BEX2: variants seen among roughly 807,000 people sequenced by gnomAD.
BEX2 encodes the protein protein BEX2.
Under a neutral mutation model 4.1 loss-of-function variants are expected in BEX2, and 2 were observed. The observed-to-expected ratio is 0.49, with a 90% confidence interval of 0.20 to 1.53. The LOEUF (loss-of-function observed/expected upper bound fraction) is 1.53. Among genes scored for constraint, BEX2 ranks in the 40% most tolerant of loss-of-function variants. The probability of loss-of-function intolerance (pLI) is 0.23; values close to 1 mark genes in which losing one functional copy is unlikely to be tolerated. For synonymous variants in BEX2, 34 were observed against 35.9 expected, an observed-to-expected ratio of 0.95 and a Z score of 0.19; for missense variants, 94 against 99.9, an observed-to-expected ratio of 0.94 and a Z score of 0.25.
At chrX:103,310,200 A>C (rs1015122067) in intron 2 of BEX2, among the ~76,000 whole-genome samples, 158 bp downstream of exon 2, 1 of 110,352 alleles carries the variant, frequency 9.1e-6, no homozygotes, top group Non-Finnish European at 1.9e-5. Context: ...TCTTCTCTGC[A>C]GATCCATCTC....
In BEX2 at chrX:103,310,854, C is replaced by T. The variant is rs1926186579; in HGVS notation, c.-82+6G>A. 8.8e-6 allele frequency: 3 copies of T among 342,080 alleles called. No individual in the cohort carries two copies. Among genetic ancestry groups the T allele is most frequent in the Non-Finnish European group, 1.5e-5 (3 of 203,432 alleles). 28.2% of individuals were successfully genotyped at this position (342,080 alleles called of 1,213,427 possible). On this transcript the variant is annotated splice_donor_region_variant and intron_variant, in intron 1 of 2. Coordinates refer to ENST00000372677, the MANE Select transcript of BEX2 (RefSeq NM_032621.4). ...CAACCCCAGGGACCCCCTCCGGGTCCCTTACCTGCTCCCCCTCCGCTTCCT... is the reference window on the plus strand; with the variant it reads ...CAACCCCAGGGACCCCCTCCGGGTCTCTTACCTGCTCCCCCTCCGCTTCCT...
In BEX2 at chrX:103,310,813, G is replaced by T. The variant is rs564356847; in HGVS notation, c.-82+47C>A. On this transcript the variant is annotated intron_variant, in intron 1 of 2. Coordinates refer to ENST00000372677, the MANE Select transcript of BEX2 (RefSeq NM_032621.4). ...CGGGGATGGGGCATCCGCAGGCCGGGGCTGCTCCCCCACACCAACCCCAGG... is the reference window on the plus strand; with the variant it reads ...CGGGGATGGGGCATCCGCAGGCCGGTGCTGCTCCCCCACACCAACCCCAGG... The T allele has an allele frequency of 2.9e-5, 12 of 411,193 alleles. No homozygotes were observed. The South Asian group carries it at 5.0e-4, about 17-fold the overall frequency. 33.9% of individuals were successfully genotyped at this position (411,193 alleles called of 1,213,427 possible).
rs778448293 is a variant in BEX2, at chrX:103,309,967, T to A, written c.10A>T (p.Lys4Ter). Residue 4 changes from lysine (K) to a stop codon, truncating the protein, a stop_gained, in exon 3 of 3, where the codon AAA becomes TAA. Coordinates refer to ENST00000372677, the MANE Select transcript of BEX2 (RefSeq NM_032621.4). LOFTEE classifies it low-confidence loss of function (END_TRUNC). ...AGATTGTTTAACGCTCGTTCCTCTT[T>A]GGACTCCATTACTCCTAGGAGACAG... MES[K>*]EERALNNLIV... 1 of 1,203,499 alleles carries A rather than the reference T, an allele frequency of 8.3e-7. No homozygotes were observed. Among genetic ancestry groups the A allele is most frequent in the African/African-American group, 1.7e-5 (1 of 57,742 alleles).
At chrX:103,310,628 G>A in intron 1 of BEX2, 195 bp from the exon 2 acceptor site, 1 of 1,154,806 alleles carries the variant, frequency 8.7e-7, no homozygotes. Flanking sequence ...TGTTGGAAAA[G>A]CTTGCGCTGG....
chrX:103,310,437 C>T lies in BEX2; in HGVS notation c.-81-4G>A, dbSNP rs1926164252. The T allele has an allele frequency of 3.5e-6, 4 of 1,155,547 alleles. No individual in the cohort carries two copies. The Admixed American group carries it at 1.0e-4, about 30-fold the overall frequency. ...CGCAACACTTGGCCCCGCAAACCTG[C>T]AGACGGCCGGGGTGGGAAGAGTGGG... On this transcript the variant is annotated splice_region_variant and splice_polypyrimidine_tract_variant and intron_variant, in intron 1 of 2. Coordinates refer to ENST00000372677, the MANE Select transcript of BEX2 (RefSeq NM_032621.4).
intron 2 of BEX2, 147 bp from the exon 3 acceptor site, chrX:103,310,128 C>A: frequency 1.3e-6 from 1 of 786,714 alleles, no homozygotes; most frequent in South Asian, 2.9e-5. Flanking sequence ...AGAGAGGCCC[C>A]ATGTACCCTC....
At position 103,309,576 on chromosome X, in the gene BEX2, G is replaced by A. The variant is rs766415447; in HGVS notation, c.*14C>T. 8.3e-7 allele frequency: 1 copy of A among 1,207,144 alleles called. No homozygotes were observed. Among genetic ancestry groups the A allele is most frequent in the Admixed American group, 2.2e-5 (1 of 45,840 alleles). On this transcript the variant is annotated 3_prime_UTR_variant, in exon 3 of 3. Coordinates refer to ENST00000372677, the MANE Select transcript of BEX2 (RefSeq NM_032621.4). ...CAGGGGTCTCCCTATTAACTTCAGG[G>A]AAACCATCAGGATTCAGGGCATAAG...
rs761900745 is a variant in BEX2, at chrX:103,310,974, A to G, written c.-196T>C. The G allele has an allele frequency of 5.6e-6, 1 of 177,715 alleles. No individual in the cohort carries two copies. The highest frequency in any genetic ancestry group is 1.6e-4 in the East Asian group (1 of 6,064). 14.6% of individuals were successfully genotyped at this position (177,715 alleles called of 1,213,427 possible). A position where few individuals can be genotyped will look rare whatever the true frequency, so the allele number is the denominator to read the frequency against. On this transcript the variant is annotated 5_prime_UTR_variant, in exon 1 of 3. Coordinates refer to ENST00000372677, the MANE Select transcript of BEX2 (RefSeq NM_032621.4). ...AGCGAGCGACGGCGGTTCTGACGCC[A>G]CAACGAGGTAAGACTCAGTGTTGGC...
chrX:103,310,568 G>GC, intron 1 of BEX2, 135 bp from the exon 2 acceptor site: 3 of 1,154,282 alleles, frequency 2.6e-6, no homozygotes, highest in Non-Finnish European at 3.4e-6. Context: ...CAGCCGCCCA[G>GC]CCCCCCAAGC....
rs1045055 is a variant in BEX2 at position 103,310,398 on chromosome X, G to T, written c.-46C>A. The T allele has an allele frequency of 8.6e-7, 1 of 1,156,867 alleles. No homozygotes were observed. Among genetic ancestry groups the T allele is most frequent in the African/African-American group, 1.8e-5 (1 of 56,444 alleles). ...CAGTCTCCTCCTCCCGATTCTCGAC[G>T]TGAGGTGCGTCGCCGCAACACTTGG... On this transcript the variant is annotated 5_prime_UTR_variant, in exon 2 of 3. Coordinates refer to ENST00000372677, the MANE Select transcript of BEX2 (RefSeq NM_032621.4).
At chrX:103,310,748 G>A (rs951195209) in intron 1 of BEX2, 112 bp downstream of exon 1, 8 of 660,596 alleles carry the variant, frequency 1.2e-5, no homozygotes, top group Non-Finnish European at 1.7e-5. Context: ...CGGGGCCCCG[G>A]GGCTGCATCG....
chrX:103,310,003 G>A, intron 2 of BEX2, 22 bp from the exon 3 acceptor site: 2 of 1,182,419 alleles, frequency 1.7e-6, no homozygotes, highest in Non-Finnish European at 2.3e-6. Flanking sequence ...AGAGAAAATG[G>A]ACTCAATTCT....
In BEX2 at chrX:103,309,909, T is replaced by C; in HGVS notation, c.68A>G (p.Glu23Gly). ...IVENVNQEND[E>G]KDEKEQVANK... ...AGCAACTTGCTCCTTTTCATCTTTT[T>C]CATCATTTTCCTGGTTGACATTTTC... The change falls in exon 3 of 3, where the codon GAA becomes GGA. Residue 23 changes from glutamate (E) to glycine (G), a missense_variant. Coordinates refer to ENST00000372677, the MANE Select transcript of BEX2 (RefSeq NM_032621.4). 1 of 1,211,411 alleles carries C rather than the reference T, an allele frequency of 8.3e-7. No homozygotes were observed. Among genetic ancestry groups the C allele is most frequent in the Non-Finnish European group, 1.1e-6 (1 of 895,387 alleles).
intron 1 of BEX2, 146 bp from the exon 2 acceptor site, chrX:103,310,579 T>C: frequency 8.7e-7 from 1 of 1,155,387 alleles, no homozygotes; most frequent in Non-Finnish European, 1.1e-6. Context: ...CCCCCCAAGC[T>C]GACCACCATT....
intron 1 of BEX2, 75 bp from the exon 2 acceptor site, chrX:103,310,508 C>G: frequency 8.7e-7 from 1 of 1,147,720 alleles, no homozygotes; most frequent in South Asian, 1.9e-5. Flanking sequence ...CCACCCGGCC[C>G]CTTCCCCACG....
intron 1 of BEX2, 159 bp from the exon 2 acceptor site, chrX:103,310,592 C>T (rs1160084793): frequency 2.6e-6 from 3 of 1,156,218 alleles, no homozygotes. Flanking sequence ...CCACCATTTT[C>T]TGCATCAAGA....
chrX:103,310,598 C>A, intron 1 of BEX2, 165 bp from the exon 2 acceptor site: 1 of 1,156,080 alleles, frequency 8.6e-7, no homozygotes. Flanking sequence ...TTTTCTGCAT[C>A]AAGAAGGGCG....
Position 103,309,822 on chromosome X carries a change from T to C in BEX2, c.155A>G (p.Asn52Ser). 1 of 1,212,034 alleles carries C rather than the reference T, an allele frequency of 8.3e-7. No homozygotes were observed. The highest frequency in any genetic ancestry group is 1.1e-6 in the Non-Finnish European group (1 of 895,573). The change falls in exon 3 of 3, where the codon AAC becomes AGC. Residue 52 changes from asparagine (N) to serine (S), a missense_variant. By Grantham distance (46) the Asn-to-Ser change is conservative. Coordinates refer to ENST00000372677, the MANE Select transcript of BEX2 (RefSeq NM_032621.4). ...NVSEYCVPRGNRRRFRVRQPI... is the reference protein window; with the variant it reads ...NVSEYCVPRGSRRRFRVRQPI... ...CTGCCTAACGCGGAACCGCCTACGG[T>C]TTCCTCTAGGCACACAGTATTCACT...
intron 1 of BEX2, 54 bp from the exon 2 acceptor site, chrX:103,310,487 A>T: frequency 8.7e-7 from 1 of 1,149,951 alleles, no homozygotes; most frequent in South Asian, 1.9e-5. Context: ...AACGCTAGAG[A>T]GGACCCGCCG....
Sources: gnomAD v4.1 joint callset for allele counts (sites outside exome capture counted in the v4.1 genomes callset) on GRCh38, gnomAD v4.1.1 for gene constraint, MANE v1.5 for transcripts, NCBI Gene and HGNC (gene_info 2026-07-23, HGNC 2026-07-21) for gene names.